NKAIN2: variants seen among roughly 807,000 people sequenced by gnomAD.
NKAIN2 encodes the protein sodium/potassium transporting ATPase interacting 2.
Under a neutral mutation model 32.6 loss-of-function variants are expected in NKAIN2, and 14 were observed. The observed-to-expected ratio is 0.43, with a 90% CI of 0.28 to 0.67. The LOEUF is 0.67. Among genes scored for constraint, NKAIN2 ranks in the 30% least tolerant of loss-of-function variants. The pLI is 0.17. For missense variants in NKAIN2, 198 were observed against 258.3 expected, an observed-to-expected ratio of 0.77 and a Z score of 1.60; for synonymous variants, 80 against 87.2, an observed-to-expected ratio of 0.92 and a Z score of 0.46.
intron 1 of NKAIN2, among the ~76,000 whole-genome samples, chr6:123,979,661 G>A (rs1220592486): frequency 6.6e-6 from 1 of 152,148 alleles, no homozygotes; most frequent in Non-Finnish European, 1.5e-5. Flanking sequence ...GCCCAGGATT[G>A]TTTTGTTCTT....
intron 4 of NKAIN2, among the ~76,000 whole-genome samples, chr6:124,709,452 G>T (rs1775308921): frequency 6.6e-6 from 1 of 151,802 alleles, no homozygotes; most frequent in Admixed American, 6.6e-5. Context: ...GAATTCGGCT[G>T]TGAATCCATC....
chr6:124,307,942 A>T (rs190639056), intron 2 of NKAIN2, among the ~76,000 whole-genome samples: 17 of 152,300 alleles, frequency 1.1e-4, no homozygotes, highest in African/African-American at 4.1e-4. Context: ...GTGAAAACTG[A>T]AAGCAACTAA....
intron 3 of NKAIN2, among the ~76,000 whole-genome samples, chr6:124,451,459 TGA>T (rs1776104119): frequency 6.6e-6 from 1 of 152,214 alleles, no homozygotes. Flanking sequence ...TTTACTCCTC[TGA>T]TTTCAAAGGA....
chr6:123,959,572 C>CAAACAAA (rs1777747256), intron 1 of NKAIN2, among the ~76,000 whole-genome samples: 1 of 152,060 alleles, frequency 6.6e-6, no homozygotes, highest in South Asian at 2.1e-4. Flanking sequence ...TATTCATACC[C>CAAACAAA]TTTTGAAATG....
At chr6:124,041,249 G>C (rs553475728) in intron 1 of NKAIN2, among the ~76,000 whole-genome samples, 32 of 152,000 alleles carry the variant, frequency 2.1e-4, no homozygotes, top group Non-Finnish European at 3.8e-4. Flanking sequence ...AATGGAGCAT[G>C]CTTTTAATGA....
At chr6:124,148,587 G>A (rs1043945056) in intron 1 of NKAIN2, among the ~76,000 whole-genome samples, 1 of 152,028 alleles carries the variant, frequency 6.6e-6, no homozygotes, top group Non-Finnish European at 1.5e-5. Context: ...TGTGGTGTTT[G>A]GGACTGGCTT....
chr6:124,507,276 G>A (rs954744624), intron 3 of NKAIN2, among the ~76,000 whole-genome samples: 7 of 152,112 alleles, frequency 4.6e-5, no homozygotes, highest in Non-Finnish European at 7.4e-5. Flanking sequence ...TGTGATGTGT[G>A]AGATAAAGAT....
chr6:123,965,748 T>C (rs1778042594), intron 1 of NKAIN2, among the ~76,000 whole-genome samples: 1 of 152,196 alleles, frequency 6.6e-6, no homozygotes, highest in Non-Finnish European at 1.5e-5. Flanking sequence ...TTATCCACGA[T>C]TAATTTCCTC....
intron 3 of NKAIN2, among the ~76,000 whole-genome samples, chr6:124,537,233 A>G (rs1562244197): frequency 6.6e-6 from 1 of 152,244 alleles, no homozygotes; most frequent in African/African-American, 2.4e-5. Context: ...ACTGAGAATT[A>G]GAATGGTGGA....
At chr6:124,425,576 T>A (rs190779288) in intron 3 of NKAIN2, among the ~76,000 whole-genome samples, 9 of 152,166 alleles carry the variant, frequency 5.9e-5, no homozygotes, top group Middle Eastern at 3.4e-3. Context: ...TTAAAATATA[T>A]GAGGAATTTA....
At chr6:124,768,858 T>C (rs1056951078) in intron 4 of NKAIN2, among the ~76,000 whole-genome samples, 1 of 152,192 alleles carries the variant, frequency 6.6e-6, no homozygotes, top group Non-Finnish European at 1.5e-5. Context: ...TCCAGGGACA[T>C]AAATATTGAT....
chr6:124,770,903 A>C (rs1778724332), intron 4 of NKAIN2, among the ~76,000 whole-genome samples: 1 of 152,192 alleles, frequency 6.6e-6, no homozygotes, highest in Non-Finnish European at 1.5e-5. Context: ...CCACGTACAC[A>C]GTTCATCTTC....
At chr6:124,273,303 TTA>T (rs1794884690) in intron 1 of NKAIN2, among the ~76,000 whole-genome samples, 1 of 76,360 alleles carries the variant, frequency 1.3e-5, no homozygotes, top group East Asian at 3.9e-4. Context: ...CTCATGATAG[TTA>T]GTGAGTTCTC....
intron 1 of NKAIN2, among the ~76,000 whole-genome samples, chr6:123,887,396 G>C (rs897938582): frequency 6.6e-6 from 1 of 151,594 alleles, no homozygotes; most frequent in African/African-American, 2.4e-5. Flanking sequence ...CAGTAACACT[G>C]TTTTAGCACA....
intron 1 of NKAIN2, among the ~76,000 whole-genome samples, chr6:124,157,381 CCTT>C (rs1788045563): frequency 6.6e-6 from 1 of 151,750 alleles, no homozygotes; most frequent in African/African-American, 2.4e-5. Flanking sequence ...ATTTTACTTT[CCTT>C]CTTTATTTTC....
At position 124,725,789 on chromosome 6, in the gene NKAIN2, G is replaced by A. The variant is rs376408527; in HGVS notation, c.475-65550G>A. ...GACGGTGATTTCTGCATTTCCATCT[G>A]AGGTACCAGGTTCATCTCACTAGGG... is the stretch of plus-strand genomic sequence containing the variant. On this transcript the variant is annotated intron_variant, in intron 4 of 6. Transcript: ENST00000368417. 4.6e-5 allele frequency among the ~76,000 whole-genome samples: 7 copies of A among 152,312 alleles called. No homozygotes were observed. The East Asian group carries it at 9.7e-4, about 21-fold the overall frequency.
chr6:124,210,760 T>C, intron 1 of NKAIN2, among the ~76,000 whole-genome samples: 1 of 151,850 alleles, frequency 6.6e-6, no homozygotes. Context: ...ACTGCTGGCA[T>C]ATAGAAATGC....
At chr6:124,016,146 C>T (rs908719344) in intron 1 of NKAIN2, among the ~76,000 whole-genome samples, 1 of 151,780 alleles carries the variant, frequency 6.6e-6, no homozygotes, top group African/African-American at 2.4e-5. Flanking sequence ...GTGCCAATAC[C>T]AGACCTCTCT....
intron 1 of NKAIN2, among the ~76,000 whole-genome samples, chr6:124,244,638 C>T (rs1793296676): frequency 6.6e-6 from 1 of 152,046 alleles, no homozygotes; most frequent in Admixed American, 6.6e-5. Flanking sequence ...CACCACTCCA[C>T]TAAAGTAAAT....
Sources: allele counts gnomAD v4.1 joint callset (sites outside exome capture counted in the v4.1 genomes callset), GRCh38; gene constraint gnomAD v4.1.1; transcripts MANE v1.5; gene names NCBI Gene and HGNC (gene_info 2026-07-23, HGNC 2026-07-21).